DENND5B: variants seen among roughly 807,000 people sequenced by gnomAD.
The protein encoded by DENND5B is DENN domain-containing protein 5B.
In DENND5B, 34 loss-of-function variants were observed where a neutral mutation model predicts 140.6. The ratio of observed to expected loss-of-function variants is 0.24; its 90% confidence interval spans 0.18 to 0.32. DENND5B has a LOEUF of 0.32. Among genes scored for constraint, DENND5B ranks in the 10% least tolerant of loss-of-function variants. The pLI is 1.00. For missense variants in DENND5B, 1,142 were observed against 1,560.2 expected, an observed-to-expected ratio of 0.73 and a Z score of 4.52; for synonymous variants, 551 against 562.1, an observed-to-expected ratio of 0.98 and a Z score of 0.28.
In DENND5B at chr12:31,460,439, A is replaced by AT. The variant is rs1243716961; in HGVS notation, c.905-59dup. 2.9e-5 allele frequency: 44 copies of AT among 1,522,878 alleles called. No individual in the cohort carries two copies. The African/African-American group carries it at 6.0e-4, about 21-fold the overall frequency. 94.3% of individuals were successfully genotyped at this position (1,522,878 alleles called of 1,614,324 possible). On this transcript the variant is annotated intron_variant, in intron 3 of 20. Transcript: ENST00000389082. ...GTCCAAGTAAAAACACAATCACTTC[A>AT]TTAAGCTGGAAAATGTGGATCTTAA...
intron 1 of DENND5B, among the ~76,000 whole-genome samples, chr12:31,510,892 C>T (rs1005054907): frequency 6.6e-6 from 1 of 152,108 alleles, no homozygotes; most frequent in Admixed American, 6.6e-5. Flanking sequence ...GCCTACCACA[C>T]CCCTCCTTCC....
chr12:31,498,984 AAAAAAAG>A (rs869255877), intron 1 of DENND5B, among the ~76,000 whole-genome samples: 2,430 of 151,352 alleles, frequency 0.016, 86 homozygotes, highest in African/African-American at 0.056. Flanking sequence ...AAAAAAAAAA[AAAAAAAG>A]AGAATTTAGA....
At chr12:31,583,062 G>C (rs949642585) in intron 1 of DENND5B, among the ~76,000 whole-genome samples, 2 of 152,204 alleles carry the variant, frequency 1.3e-5, no homozygotes, top group Non-Finnish European at 2.9e-5. Flanking sequence ...GGGAGGCCAA[G>C]GTGGGTGGAT....
chr12:31,589,357 G>A (rs1045500380), intron 1 of DENND5B, among the ~76,000 whole-genome samples: 1 of 151,910 alleles, frequency 6.6e-6, no homozygotes, highest in African/African-American at 2.4e-5. Context: ...TTACACATAC[G>A]GAAAAACTTG....
chr12:31,563,922 G>C (rs1190501375), intron 1 of DENND5B, among the ~76,000 whole-genome samples: 1 of 152,146 alleles, frequency 6.6e-6, no homozygotes, highest in Non-Finnish European at 1.5e-5. Context: ...TTCAAGACCA[G>C]CCTGGCCAAT....
At chr12:31,538,419 T>C (rs190387041) in intron 1 of DENND5B, among the ~76,000 whole-genome samples, 1 of 152,116 alleles carries the variant, frequency 6.6e-6, no homozygotes, top group East Asian at 1.9e-4. Flanking sequence ...CGAAAAGCTA[T>C]GGGATACAAC....
chr12:31,405,558 G>GTATT (rs1251396727), intron 14 of DENND5B, among the ~76,000 whole-genome samples: 4 of 148,696 alleles, frequency 2.7e-5, no homozygotes, highest in Non-Finnish European at 4.5e-5. Context: ...ATGTATGTAT[G>GTATT]TATTTTTGAG....
chr12:31,519,761 A>C (rs1046165034), intron 1 of DENND5B, among the ~76,000 whole-genome samples: 2 of 152,232 alleles, frequency 1.3e-5, no homozygotes, highest in Non-Finnish European at 2.9e-5. Context: ...ACAGATAAGC[A>C]TGCTTCAGAA....
chr12:31,569,532 G>A (rs1565705265), intron 1 of DENND5B, among the ~76,000 whole-genome samples: 1 of 152,192 alleles, frequency 6.6e-6, no homozygotes. Context: ...ATGCCAGCTG[G>A]GAGCGATGGC....
chr12:31,468,833 G>T (rs1239005488), intron 3 of DENND5B, among the ~76,000 whole-genome samples: 1 of 135,826 alleles, frequency 7.4e-6, no homozygotes, highest in Non-Finnish European at 1.6e-5. Flanking sequence ...CAAACAAAAG[G>T]AAGTAATATA....
At chr12:31,569,361 C>A (rs556462902) in intron 1 of DENND5B, among the ~76,000 whole-genome samples, 1 of 152,292 alleles carries the variant, frequency 6.6e-6, no homozygotes, top group African/African-American at 2.4e-5. Context: ...CCACGCCTGG[C>A]CTACATACCT....
intron 2 of DENND5B, among the ~76,000 whole-genome samples, chr12:31,494,199 T>TCCAC (rs1228000336): frequency 2.1e-4 from 23 of 107,406 alleles, no homozygotes; most frequent in East Asian, 1.9e-3. Flanking sequence ...CATCCATCCA[T>TCCAC]CCACCTACCT....
At chr12:31,424,283 G>A (rs2137718301) in intron 10 of DENND5B, among the ~76,000 whole-genome samples, 1 of 152,132 alleles carries the variant, frequency 6.6e-6, no homozygotes, top group South Asian at 2.1e-4. Context: ...ACATTTAATG[G>A]AACTTACTAG....
intron 1 of DENND5B, among the ~76,000 whole-genome samples, chr12:31,512,665 AT>A: frequency 6.6e-6 from 1 of 152,206 alleles, no homozygotes; most frequent in East Asian, 1.9e-4. Context: ...CATAATCAAA[AT>A]TTTATTAACC....
chr12:31,409,137 A>T (rs554292220), intron 14 of DENND5B, 126 bp downstream of exon 14: 5 of 1,090,870 alleles, frequency 4.6e-6, no homozygotes, highest in East Asian at 2.9e-5. Context: ...CTTTACTCCT[A>T]AACAGAGACC....
intron 2 of DENND5B, among the ~76,000 whole-genome samples, chr12:31,493,443 C>T (rs2138708522): frequency 6.6e-6 from 1 of 152,270 alleles, no homozygotes; most frequent in South Asian, 2.1e-4. Flanking sequence ...CCTGTAATCC[C>T]AGCACTTTGG....
chr12:31,479,767 C>T lies in DENND5B; in HGVS notation c.726G>A (p.Gly242=), dbSNP rs1298376804. 2 of 1,607,912 alleles carry T rather than the reference C, an allele frequency of 1.2e-6. No individual in the cohort carries two copies. The highest frequency in any genetic ancestry group is 1.7e-5 in the Admixed American group (1 of 58,674). ...AAACACCATAAAATTTCAGTGACCTCCCTGGAGGTGGAAGGGGTACTTCAT... is the reference window on the plus strand; with the variant it reads ...AAACACCATAAAATTTCAGTGACCTTCCTGGAGGTGGAAGGGGTACTTCAT... ...ILYEVPLPPP[G]RSLKFYGVYE... Residue 242 remains glycine (G), a synonymous_variant, in exon 3 of 21, where the codon GGG becomes GGA. Transcript: ENST00000389082.
intron 1 of DENND5B, among the ~76,000 whole-genome samples, chr12:31,524,405 C>CT: frequency 6.6e-6 from 1 of 152,196 alleles, no homozygotes; most frequent in African/African-American, 2.4e-5. Flanking sequence ...GTAATCCCAG[C>CT]ACTTTGGGAG....
intron 1 of DENND5B, among the ~76,000 whole-genome samples, chr12:31,564,409 C>T (rs913583927): frequency 6.6e-6 from 1 of 151,826 alleles, no homozygotes; most frequent in Non-Finnish European, 1.5e-5. Flanking sequence ...TGTTAAGAGT[C>T]CATGAATATT....
Sources: gnomAD v4.1 joint callset for allele counts (sites outside exome capture counted in the v4.1 genomes callset) on GRCh38, gnomAD v4.1.1 for gene constraint, MANE v1.5 for transcripts, NCBI Gene and HGNC (gene_info 2026-07-23, HGNC 2026-07-21) for gene names.